Variants in NKAIN3 observed in about 807,000 individuals in gnomAD.
NKAIN3 encodes sodium/potassium-transporting ATPase subunit beta-1-interacting protein 3.
Under a neutral mutation model 30.2 loss-of-function variants are expected in NKAIN3, and 25 were observed. The observed-to-expected ratio is 0.83, with a 90% CI of 0.60 to 1.16. The LOEUF (loss-of-function observed/expected upper bound fraction) is 1.16, where lower values mean the gene tolerates loss of function less well. NKAIN3 is among the 50% of genes most tolerant of loss of function. The pLI, the probability that NKAIN3 is intolerant of heterozygous loss-of-function variation, is 0.00. For synonymous variants in NKAIN3, 91 were observed against 89.6 expected (o/e 1.02, Z -0.09); for missense variants, 225 against 254.1 (o/e 0.89, Z 0.78).
chr8:62,889,395 A>G (rs1343975706), intron 4 of NKAIN3, among the ~76,000 whole-genome samples: 1 of 152,068 alleles, frequency 6.6e-6, no homozygotes, highest in Non-Finnish European at 1.5e-5. Flanking sequence ...TAATAATAAA[A>G]TAAAATAAAA....
At chr8:62,714,713 G>A (rs1288352213) in intron 3 of NKAIN3, among the ~76,000 whole-genome samples, 2 of 152,186 alleles carry the variant, frequency 1.3e-5, no homozygotes, top group Non-Finnish European at 2.9e-5. Context: ...CTCACTACAA[G>A]TATGAAATAG....
At chr8:62,386,124 G>A (rs1434579952) in intron 1 of NKAIN3, among the ~76,000 whole-genome samples, 3 of 152,122 alleles carry the variant, frequency 2.0e-5, no homozygotes, top group Non-Finnish European at 4.4e-5. Flanking sequence ...CTAATTTGTT[G>A]CTATATATGG....
At chr8:62,697,076 A>G (rs1011923063) in intron 3 of NKAIN3, among the ~76,000 whole-genome samples, 1 of 152,138 alleles carries the variant, frequency 6.6e-6, no homozygotes, top group African/African-American at 2.4e-5. Flanking sequence ...TCTACAGTTT[A>G]TTTTCAAAAC....
intron 1 of NKAIN3, among the ~76,000 whole-genome samples, chr8:62,426,028 G>C (rs972938089): frequency 9.2e-5 from 14 of 151,972 alleles, no homozygotes; most frequent in African/African-American, 3.4e-4. Context: ...TTGAATGGTT[G>C]TATTCAAAAG....
intron 4 of NKAIN3, among the ~76,000 whole-genome samples, chr8:62,837,560 G>T (rs1384759517): frequency 2.0e-5 from 3 of 152,114 alleles, no homozygotes; most frequent in African/African-American, 7.2e-5. Context: ...CATCGTGCCA[G>T]TTCTGATGAC....
At chr8:62,690,734 C>T (rs562700241) in intron 3 of NKAIN3, among the ~76,000 whole-genome samples, 1 of 152,298 alleles carries the variant, frequency 6.6e-6, no homozygotes, top group African/African-American at 2.4e-5. Flanking sequence ...GCCACATGAG[C>T]AAAACGGTCC....
At chr8:62,892,744 T>C (rs1821329642) in intron 4 of NKAIN3, among the ~76,000 whole-genome samples, 1 of 152,208 alleles carries the variant, frequency 6.6e-6, no homozygotes, top group Non-Finnish European at 1.5e-5. Context: ...GGTCATTGTT[T>C]ATTCACACAG....
chr8:62,936,647 A>G (rs1408311844), intron 5 of NKAIN3, among the ~76,000 whole-genome samples: 1 of 152,192 alleles, frequency 6.6e-6, no homozygotes, highest in Non-Finnish European at 1.5e-5. Context: ...GTGATTTAAT[A>G]TTCATCATTA....
intron 1 of NKAIN3, among the ~76,000 whole-genome samples, chr8:62,307,473 G>A (rs966721839): frequency 6.7e-6 from 1 of 149,432 alleles, no homozygotes; most frequent in East Asian, 1.9e-4. Context: ...TGAGCACCAT[G>A]TGCGTCAGAC....
chr8:62,853,857 G>A (rs72653296), intron 4 of NKAIN3, among the ~76,000 whole-genome samples: 12,536 of 152,078 alleles, frequency 0.082, 574 homozygotes, highest in South Asian at 0.14. Flanking sequence ...TTTCTCTCTT[G>A]ACACTGCTTT....
intron 4 of NKAIN3, among the ~76,000 whole-genome samples, chr8:62,872,235 C>T (rs959667333): frequency 1.3e-5 from 2 of 152,188 alleles, no homozygotes; most frequent in African/African-American, 4.8e-5. Flanking sequence ...CCTGATGATG[C>T]CATTGTCAGA....
At chr8:62,293,830 C>A (rs1351992656) in intron 1 of NKAIN3, among the ~76,000 whole-genome samples, 1 of 152,210 alleles carries the variant, frequency 6.6e-6, no homozygotes, top group African/African-American at 2.4e-5. Context: ...GCCCTGCCCC[C>A]AGAGGTGGAG....
At chr8:62,498,317 C>G (rs990734621) in intron 1 of NKAIN3, among the ~76,000 whole-genome samples, 12 of 152,104 alleles carry the variant, frequency 7.9e-5, no homozygotes, top group African/African-American at 2.9e-4. Flanking sequence ...CTCTTCTCCT[C>G]AGACCCCCTA....
intron 1 of NKAIN3, among the ~76,000 whole-genome samples, chr8:62,295,931 T>C (rs975103136): frequency 6.6e-6 from 1 of 152,192 alleles, no homozygotes; most frequent in African/African-American, 2.4e-5. Context: ...TCTAATAACC[T>C]CACACCTTAG....
intron 1 of NKAIN3, among the ~76,000 whole-genome samples, chr8:62,254,671 A>C (rs1195080135): frequency 1.3e-5 from 2 of 152,234 alleles, no homozygotes; most frequent in Non-Finnish European, 2.9e-5. Context: ...TCATTTTAAT[A>C]AAAATACATG....
intron 1 of NKAIN3, among the ~76,000 whole-genome samples, chr8:62,315,681 G>A (rs940407874): frequency 2.6e-5 from 4 of 152,128 alleles, no homozygotes; most frequent in African/African-American, 9.7e-5. Context: ...AAAAAAATGA[G>A]TTGTTTTACC....
chr8:62,567,427 C>T (rs958709994), intron 1 of NKAIN3, among the ~76,000 whole-genome samples: 3 of 152,024 alleles, frequency 2.0e-5, no homozygotes, highest in African/African-American at 7.2e-5. Context: ...TGTCCATGTC[C>T]GAATCACTGG....
chr8:62,626,783 A>G (rs1811801996), intron 3 of NKAIN3, among the ~76,000 whole-genome samples: 1 of 152,132 alleles, frequency 6.6e-6, no homozygotes, highest in South Asian at 2.1e-4. Context: ...CGAAACAGCA[A>G]AATAATAATT....
intron 3 of NKAIN3, among the ~76,000 whole-genome samples, chr8:62,665,794 C>T (rs1284214129): frequency 6.6e-6 from 1 of 152,098 alleles, no homozygotes; most frequent in African/African-American, 2.4e-5. Flanking sequence ...TGTCTATGTG[C>T]CCAGCAATAA....
Sources: allele counts gnomAD v4.1 joint callset (sites outside exome capture counted in the v4.1 genomes callset), GRCh38; gene constraint gnomAD v4.1.1; transcripts MANE v1.5; gene names NCBI Gene and HGNC (gene_info 2026-07-23, HGNC 2026-07-21).